The following AHNAK variants were observed in gnomAD, a reference collection of about 807,000 sequenced individuals.
AHNAK encodes neuroblast differentiation-associated protein AHNAK.
A neutral mutation model predicts 37.8 loss-of-function variants in AHNAK; 23 were observed. The observed-to-expected ratio is 0.61, with a 90% CI of 0.44 to 0.86. AHNAK has a LOEUF of 0.86. AHNAK is among the 40% of genes least tolerant of loss of function. The pLI is 0.00. For missense variants in AHNAK, 7,411 were observed against 7,319.4 expected, an observed-to-expected ratio of 1.01 and a Z score of -0.46; for synonymous variants, 2,481 against 2,636.3, an observed-to-expected ratio of 0.94 and a Z score of 1.80.
intron 5 of AHNAK, among the ~76,000 whole-genome samples, chr11:62,446,650 T>A (rs1273841523): frequency 6.6e-6 from 1 of 152,028 alleles, no homozygotes; most frequent in Non-Finnish European, 1.5e-5. Flanking sequence ...TGGCCGGGCA[T>A]CTTCATGTTT....
intron 5 of AHNAK, among the ~76,000 whole-genome samples, chr11:62,457,634 CA>C (rs926695661): frequency 3.0e-4 from 45 of 149,640 alleles, no homozygotes; most frequent in Non-Finnish European, 5.5e-4. Flanking sequence ...ATCTCAAAAA[CA>C]AAAAAAAAGG....
chr11:62,489,449 T>G (rs1279423015), intron 5 of AHNAK, among the ~76,000 whole-genome samples: 4 of 151,212 alleles, frequency 2.6e-5, no homozygotes, highest in Non-Finnish European at 5.9e-5. Flanking sequence ...AGGAGGGGAG[T>G]AACATGATTT....
Position 62,533,472 on chromosome 11 carries a change from A to G in AHNAK, c.945T>C (p.Gly315=). Residue 315 remains glycine, a synonymous_variant, in exon 5 of 5, where the codon GGT becomes GGC. Coordinates refer to ENST00000378024, the MANE Select transcript of AHNAK (RefSeq NM_001620.3). ...KFPTMKVPKF[G]VSTGREGQTP... is the part of the protein sequence containing the mutation. ...TCTGGCCCTCACGCCCTGTTGAGAC[A>G]CCAAATTTCGGCACTTTCATGGTGG... The G allele has an allele frequency of 6.2e-7, 1 of 1,614,134 alleles. No homozygotes were observed. Among genetic ancestry groups the G allele is most frequent in the Non-Finnish European group, 8.5e-7 (1 of 1,180,022 alleles).
In AHNAK at chr11:62,533,671, G is replaced by A. The variant is rs780273618; in HGVS notation, c.746C>T (p.Pro249Leu). The change falls in exon 5 of 5, where the codon CCT becomes CTT. Residue 249 changes from proline (P) to leucine (L), a missense_variant. Coordinates refer to ENST00000378024, the MANE Select transcript of AHNAK (RefSeq NM_001620.3). ...AGHSKLQVTM[P>L]GIKVGGSGVN... ...ACCTGAGCCTCCCACCTTTATCCCA[G>A]GCATGGTGACCTGGAGCTTCGAGTG... 4.3e-6 allele frequency: 7 copies of A among 1,613,962 alleles called. No individual in the cohort carries two copies. In the South Asian group the frequency reaches 7.7e-5, roughly 18 times the overall value.
At chr11:62,491,054 T>C (rs975309438) in intron 5 of AHNAK, among the ~76,000 whole-genome samples, 1 of 152,110 alleles carries the variant, frequency 6.6e-6, no homozygotes, top group Non-Finnish European at 1.5e-5. Context: ...TCCCAAAGTG[T>C]TGGATTACAA....
In AHNAK at chr11:62,528,324, G is replaced by A; in HGVS notation, c.6093C>T (p.Asp2031=). 2 of 1,613,902 alleles carry A rather than the reference G, an allele frequency of 1.2e-6. No homozygotes were observed. The highest frequency in any genetic ancestry group is 1.7e-6 in the Non-Finnish European group (2 of 1,179,996). ...GAACATCCACATCTGGGGCATCAATGTCCATTTTGGGTCCTTTGATGTCAA... is the reference window on the plus strand; with the variant it reads ...GAACATCCACATCTGGGGCATCAATATCCATTTTGGGTCCTTTGATGTCAA... ...PDVDIKGPKM[D]IDAPDVDVHG... The change falls in exon 5 of 5, where the codon GAC becomes GAT. Residue 2031 remains aspartate, a synonymous_variant. Coordinates refer to ENST00000378024, the MANE Select transcript of AHNAK (RefSeq NM_001620.3).
chr11:62,521,049 A>C lies in AHNAK; in HGVS notation c.13368T>G (p.Ala4456=), dbSNP rs1383184219. 6.2e-7 allele frequency: 1 copy of C among 1,610,792 alleles called. No homozygotes were observed. The highest frequency in any genetic ancestry group is 8.5e-7 in the Non-Finnish European group (1 of 1,178,750). Residue 4456 remains alanine, a synonymous_variant, in exon 5 of 5, where the codon GCT becomes GCG. Coordinates refer to ENST00000378024, the MANE Select transcript of AHNAK (RefSeq NM_001620.3). The stretch of plus-strand genomic sequence containing the variant: ...CAAAGTCAGGCATAGAGATTTTGGG[A>C]GCTTTGATGTTCATCTCAGGCATCT... ...KFKMPEMNIK[A]PKISMPDFDL...
Position 62,524,033 on chromosome 11 carries a change from C to G in AHNAK, c.10384G>C (p.Asp3462His), listed in dbSNP as rs372298429. The G allele has an allele frequency of 4.2e-5, 68 of 1,614,024 alleles. No individual in the cohort carries two copies. Among genetic ancestry groups the G allele is most frequent in the Non-Finnish European group, 5.5e-5 (65 of 1,180,032 alleles). The change falls in exon 5 of 5, where the codon GAT (aspartate) becomes CAT (histidine). Residue 3462 changes from aspartate (D) to histidine (H), a missense_variant. By Grantham distance (81) the Asp-to-His change is moderately conservative. Coordinates refer to ENST00000378024, the MANE Select transcript of AHNAK (RefSeq NM_001620.3). ...CAGTCTGGACCATGAACATCCACAT[C>G]AGGTGCATTAAGATTGACTTCTGGT... ...KAPEVNLNAPDVDVHGPDWNL... is the reference protein window; with the variant it reads ...KAPEVNLNAPHVDVHGPDWNL...
chr11:62,495,737 CAAAAA>C (rs1156362722), intron 4 of AHNAK, among the ~76,000 whole-genome samples: 1 of 67,556 alleles, frequency 1.5e-5, no homozygotes. Context: ...GACTCCGTCT[CAAAAA>C]AAAAAAAAAA....
chr11:62,486,545 AGG>A (rs1939399757), intron 5 of AHNAK, among the ~76,000 whole-genome samples: 1 of 3,004 alleles, frequency 3.3e-4, no homozygotes, highest in African/African-American at 1.7e-3. Flanking sequence ...GAAGGAAGGG[AGG>A]GAGGGAGGGA....
Position 62,527,998 on chromosome 11 carries a change from G to A in AHNAK, c.6419C>T (p.Pro2140Leu). 6.2e-7 allele frequency: 1 copy of A among 1,613,540 alleles called. No homozygotes were observed. The highest frequency in any genetic ancestry group is 8.5e-7 in the Non-Finnish European group (1 of 1,179,908). Residue 2140 changes from proline (P) to leucine (L), a missense_variant, in exon 5 of 5, where the codon CCA becomes CTA. By Grantham distance (98) the Pro-to-Leu change is moderately conservative (BLOSUM62 -3). Coordinates refer to ENST00000378024, the MANE Select transcript of AHNAK (RefSeq NM_001620.3). ...GCCTGTTAAATCTCCCTCCAATTTT[G>A]GCAAAGACACATCCACATCCCCTTT... Reference protein sequence around the residue: ...KVKGDVDVSLPKLEGDLTGPS... With the variant: ...KVKGDVDVSLLKLEGDLTGPS...
At chr11:62,482,913 C>T (rs1321361333) in intron 5 of AHNAK, among the ~76,000 whole-genome samples, 1 of 152,182 alleles carries the variant, frequency 6.6e-6, no homozygotes, top group Admixed American at 6.5e-5. Flanking sequence ...CCTGCTTCCT[C>T]CTGGTATAAT....
At chr11:62,501,651 C>T (rs1490925583) in intron 4 of AHNAK, among the ~76,000 whole-genome samples, 1 of 152,246 alleles carries the variant, frequency 6.6e-6, no homozygotes, top group African/African-American at 2.4e-5. Flanking sequence ...GCACTTTGCT[C>T]TCCAGATGCC....
At chr11:62,456,286 A>C (rs909105850) in intron 5 of AHNAK, among the ~76,000 whole-genome samples, 2 of 152,222 alleles carry the variant, frequency 1.3e-5, no homozygotes, top group Non-Finnish European at 2.9e-5. Context: ...AGCAAAAAAT[A>C]CAGCCCTCAT....
chr11:62,534,215 G>C lies in AHNAK; in HGVS notation c.343-141C>G. Reference sequence around the variant, plus strand: ...ACAGAGGTCCATGGAGCCTCCTGGGGCACAGCACAGGGGAGTGAAGAAAGG... The same window carrying C: ...ACAGAGGTCCATGGAGCCTCCTGGGCCACAGCACAGGGGAGTGAAGAAAGG... On this transcript the variant is annotated intron_variant, in intron 4 of 4. Transcript: ENST00000378024. The C allele has an allele frequency of 6.5e-6, 5 of 770,200 alleles. No homozygotes were observed. In the South Asian group the frequency reaches 9.8e-5, roughly 15 times the overall value. 47.7% of individuals were successfully genotyped at this position (770,200 alleles called of 1,614,324 possible).
intron 5 of AHNAK, among the ~76,000 whole-genome samples, chr11:62,484,937 G>A (rs183877715): frequency 3.3e-5 from 5 of 152,084 alleles, no homozygotes; most frequent in Admixed American, 6.6e-5. Flanking sequence ...TTACAGGCAC[G>A]CGCCACCACA....
intron 5 of AHNAK, among the ~76,000 whole-genome samples, chr11:62,486,704 A>G (rs1939403743): frequency 6.6e-6 from 1 of 151,926 alleles, no homozygotes; most frequent in Admixed American, 6.6e-5. Flanking sequence ...ACTGAGCTGT[A>G]CACCTAAAAA....
chr11:62,450,509 T>C (rs561943168), intron 5 of AHNAK, among the ~76,000 whole-genome samples: 1 of 152,210 alleles, frequency 6.6e-6, no homozygotes, highest in African/African-American at 2.4e-5. Context: ...TTAAAATAAA[T>C]AATAGAGAAT....
At position 62,527,637 on chromosome 11, in the gene AHNAK, G is replaced by A. The variant is rs758597917; in HGVS notation, c.6780C>T (p.Gly2260=). 1.9e-6 allele frequency: 3 copies of A among 1,613,884 alleles called. No homozygotes were observed. Among genetic ancestry groups the A allele is most frequent in the Admixed American group, 1.7e-5 (1 of 59,992 alleles). Residue 2260 remains glycine (G), a synonymous_variant, in exon 5 of 5, where the codon GGC becomes GGT. Coordinates refer to ENST00000378024, the MANE Select transcript of AHNAK (RefSeq NM_001620.3). ...KFSMPGFKGE[G]PEVDVNLPKA... is the part of the protein sequence containing the mutation. The stretch of plus-strand genomic sequence containing the variant: ...TGGGCAAGTTCACATCCACTTCTGG[G>A]CCCTCTCCTTTGAAGCCAGGCATGC...
Sources: allele counts gnomAD v4.1 joint callset (sites outside exome capture counted in the v4.1 genomes callset), GRCh38; gene constraint gnomAD v4.1.1; transcripts MANE v1.5; gene names NCBI Gene and HGNC (gene_info 2026-07-23, HGNC 2026-07-21).